AGTPBP1: variants seen among roughly 807,000 people sequenced by gnomAD.
AGTPBP1 encodes ATP/GTP binding carboxypeptidase 1.
Under a neutral mutation model 143.9 loss-of-function variants are expected in AGTPBP1, and 70 were observed. The observed-to-expected ratio is 0.49, with a 90% CI of 0.40 to 0.59. The LOEUF is 0.59. Among genes scored for constraint, AGTPBP1 ranks in the 20% least tolerant of loss-of-function variants. AGTPBP1 has a pLI of 0.00. For missense variants in AGTPBP1, 1,229 were observed against 1,464.5 expected, an observed-to-expected ratio of 0.84 and a Z score of 2.62; for synonymous variants, 463 against 500.2, an observed-to-expected ratio of 0.93 and a Z score of 0.99.
At position 85,657,575 on chromosome 9, in the gene AGTPBP1, G is replaced by C; in HGVS notation, c.769C>G (p.His257Asp). 3 of 1,613,992 alleles carry C rather than the reference G, an allele frequency of 1.9e-6. No homozygotes were observed. In the South Asian group the frequency reaches 3.3e-5, roughly 18 times the overall value. ...TTTCTATGCCGGTTATCATGGCGGTGCCAATCTACATAAATTGTTAAAAGC... is the reference window on the plus strand; with the variant it reads ...TTTCTATGCCGGTTATCATGGCGGTCCCAATCTACATAAATTGTTAAAAGC... ...QVLLTIYVDW[H>D]RHDNRHRNML... The change falls in exon 10 of 26, where the codon CAC becomes GAC. Residue 257 changes from histidine to aspartate, a missense_variant. Around this residue, in one of 2 missense-constraint regions of AGTPBP1, gnomAD observed 743 missense variants for 812.2 expected, o/e 0.91. Coordinates refer to ENST00000357081, the MANE Select transcript of AGTPBP1 (RefSeq NM_001330701.2).
the AGTPBP1 span, among the ~76,000 whole-genome samples, chr9:85,768,233 A>T: frequency 6.6e-6 from 1 of 152,248 alleles, no homozygotes; most frequent in Non-Finnish European, 1.5e-5. Context: ...CTAAAACCAT[A>T]GAAACTGAAT....
chr9:85,645,216 A>G (rs991780410), intron 12 of AGTPBP1, among the ~76,000 whole-genome samples: 26 of 152,188 alleles, frequency 1.7e-4, no homozygotes, highest in Admixed American at 1.2e-3. Context: ...CAATAATAAA[A>G]TGTATTTTGT....
At chr9:85,642,693 G>C in intron 13 of AGTPBP1, 134 bp downstream of exon 13, 1 of 721,884 alleles carries the variant, frequency 1.4e-6, no homozygotes, top group Non-Finnish European at 2.3e-6. Context: ...ATTATTCAAT[G>C]CCACTCAGAA....
chr9:85,789,940 C>T, the AGTPBP1 span, among the ~76,000 whole-genome samples: 1 of 152,146 alleles, frequency 6.6e-6, no homozygotes, highest in Non-Finnish European at 1.5e-5. Flanking sequence ...TGATCTTTCA[C>T]TTATTTCCTT....
chr9:85,702,851 T>C (rs1429526621), intron 2 of AGTPBP1, among the ~76,000 whole-genome samples: 1 of 152,142 alleles, frequency 6.6e-6, no homozygotes, highest in Non-Finnish European at 1.5e-5. Context: ...TTTGGATACA[T>C]GCTATTGGTT....
intron 2 of AGTPBP1, among the ~76,000 whole-genome samples, chr9:85,709,609 T>C (rs1478108168): frequency 6.6e-6 from 1 of 152,070 alleles, no homozygotes; most frequent in Admixed American, 6.6e-5. Context: ...TTCTATACTG[T>C]TGTATAGAAG....
chr9:85,617,931 T>C (rs566605255), intron 17 of AGTPBP1, among the ~76,000 whole-genome samples: 2 of 152,092 alleles, frequency 1.3e-5, no homozygotes, highest in African/African-American at 4.8e-5. Flanking sequence ...TGAATAGCCC[T>C]AAAACTATTC....
At chr9:85,767,586 T>TTG in the AGTPBP1 span, among the ~76,000 whole-genome samples, 1 of 152,134 alleles carries the variant, frequency 6.6e-6, no homozygotes, top group Non-Finnish European at 1.5e-5. Flanking sequence ...GACCTCGTGA[T>TTG]CCACCCACCT....
intron 25 of AGTPBP1, among the ~76,000 whole-genome samples, chr9:85,561,386 CA>C (rs57157743): frequency 0.044 from 3,109 of 70,060 alleles, 79 homozygotes; most frequent in African/African-American, 0.13. Flanking sequence ...GGCTCCATCT[CA>C]AAAAAAAAAA....
chr9:85,623,395 C>T (rs1170060925), intron 14 of AGTPBP1, among the ~76,000 whole-genome samples: 1 of 151,982 alleles, frequency 6.6e-6, no homozygotes, highest in Non-Finnish European at 1.5e-5. Flanking sequence ...ACATAATTGC[C>T]CATTTATATT....
the AGTPBP1 span, chr9:85,773,900 A>G: frequency 1.2e-6 from 2 of 1,610,002 alleles, no homozygotes; most frequent in South Asian, 1.1e-5. Flanking sequence ...TGAAAATGAA[A>G]GTTCTGGAAC....
intron 18 of AGTPBP1, among the ~76,000 whole-genome samples, chr9:85,594,023 T>C (rs920136617): frequency 4.6e-5 from 7 of 152,194 alleles, no homozygotes; most frequent in African/African-American, 1.7e-4. Flanking sequence ...ATGCATACTA[T>C]CTTGAATAGA....
intron 1 of AGTPBP1, among the ~76,000 whole-genome samples, chr9:85,720,576 T>G (rs537711754): frequency 6.6e-6 from 1 of 152,214 alleles, no homozygotes; most frequent in South Asian, 2.1e-4. Flanking sequence ...GTCTTGCTAG[T>G]GGTCTATTTT....
chr9:85,607,753 T>C (rs1863119), intron 17 of AGTPBP1, among the ~76,000 whole-genome samples: 53,434 of 152,000 alleles, frequency 0.35, 10,359 homozygotes, highest in Middle Eastern at 0.45. Context: ...ATTAATGTAC[T>C]ATAAATCACA....
intron 24 of AGTPBP1, among the ~76,000 whole-genome samples, chr9:85,577,590 ATAT>A (rs1340125806): frequency 2.0e-5 from 3 of 152,208 alleles, no homozygotes; most frequent in Non-Finnish European, 4.4e-5. Context: ...GGGAGATCTC[ATAT>A]TACACTTTGG....
chr9:85,755,482 A>G, the AGTPBP1 span, among the ~76,000 whole-genome samples: 1 of 152,158 alleles, frequency 6.6e-6, no homozygotes. Flanking sequence ...TTGACAAGCT[A>G]CAATGCAAAT....
chr9:85,687,219 C>A (rs1312475777), intron 3 of AGTPBP1, among the ~76,000 whole-genome samples: 1 of 152,040 alleles, frequency 6.6e-6, no homozygotes, highest in Non-Finnish European at 1.5e-5. Flanking sequence ...CAGCTAAGAA[C>A]AGGGCCTCAA....
intron 13 of AGTPBP1, among the ~76,000 whole-genome samples, chr9:85,639,357 G>GCGCGCA (rs1265391157): frequency 7.6e-6 from 1 of 130,904 alleles, no homozygotes; most frequent in Non-Finnish European, 1.6e-5. Context: ...ACACCCATGC[G>GCGCGCA]CGCGCACGCG....
At chr9:85,672,918 G>C (rs972931214) in intron 6 of AGTPBP1, among the ~76,000 whole-genome samples, 3 of 151,258 alleles carry the variant, frequency 2.0e-5, no homozygotes, top group Non-Finnish European at 3.0e-5. Context: ...GATTTTTAGT[G>C]GAGACGGGCT....
Sources: allele counts gnomAD v4.1 joint callset (sites outside exome capture counted in the v4.1 genomes callset), GRCh38; gene constraint gnomAD v4.1.1; regional missense constraint gnomAD v4.1.1; transcripts MANE v1.5; gene names NCBI Gene and HGNC (gene_info 2026-07-23, HGNC 2026-07-21).